Variants in POM121 observed in about 807,000 individuals in gnomAD.
POM121 encodes the protein POM121 transmembrane nucleoporin.
In POM121, 32 loss-of-function variants were observed where a neutral mutation model predicts 81.3. That is an observed-to-expected ratio of 0.39 (90% CI 0.30 to 0.53). The LOEUF (loss-of-function observed/expected upper bound fraction) is 0.53. POM121 is among the 20% of genes least tolerant of loss of function. The pLI, the probability that POM121 is intolerant of heterozygous loss-of-function variation, is 0.66. For missense variants in POM121, 1,138 were observed against 1,614.6 expected, an observed-to-expected ratio of 0.70 and a Z score of 5.06; for synonymous variants, 514 against 694.2, an observed-to-expected ratio of 0.74 and a Z score of 4.08.
At position 72,925,597 on chromosome 7, in the gene POM121, G is replaced by A. The variant is rs1554497104; in HGVS notation, c.476G>A (p.Arg159Gln). ...GCCGCTCCGGAGGGCCAGGACCTGC[G>A]GGATAGGCCTGGCCGCCGCCCACCT... ...PAAAPEGQDL[R>Q]DRPGRRPPAR... is the part of the protein sequence containing the mutation. Residue 159 changes from arginine (R) to glutamine (Q), a missense_variant, in exon 1 of 13, where the codon CGG becomes CAG. By Grantham distance (43) the Arg-to-Gln change is conservative (BLOSUM62 1). Around this residue, in one of 7 missense-constraint regions of POM121, gnomAD observed 646 missense variants for 633.5 expected, o/e 1.02. Transcript: ENST00000434423. 1 of 1,508,676 alleles carries A rather than the reference G, an allele frequency of 6.6e-7. No homozygotes were observed. Among genetic ancestry groups the A allele is most frequent in the Non-Finnish European group, 8.8e-7 (1 of 1,134,556 alleles). 93.5% of individuals were successfully genotyped at this position (1,508,676 alleles called of 1,614,324 possible).
chr7:72,931,610 GC>G (rs1292769304), intron 5 of POM121, among the ~76,000 whole-genome samples: 1 of 144,090 alleles, frequency 6.9e-6, no homozygotes, highest in Non-Finnish European at 1.5e-5. Flanking sequence ...TACTCTTGTC[GC>G]CCAGGCTGGA....
chr7:72,934,234 A>G (rs1225185160), intron 5 of POM121, among the ~76,000 whole-genome samples: 1 of 151,366 alleles, frequency 6.6e-6, no homozygotes, highest in East Asian at 1.9e-4. Context: ...ACAGGCACCC[A>G]CCACCATGCC....
upstream of POM121, among the ~76,000 whole-genome samples, chr7:72,921,282 C>T (rs1794799260): frequency 6.6e-6 from 1 of 152,210 alleles, no homozygotes; most frequent in Non-Finnish European, 1.5e-5. Context: ...AGTATCTGTG[C>T]ACCCCATGGT....
chr7:72,924,427 A>G (rs557150670), upstream of POM121: 1 of 152,332 alleles, frequency 6.6e-6, no homozygotes, highest in South Asian at 2.1e-4. Flanking sequence ...AGACTTTTTA[A>G]ACAGCTTTAT....
chr7:72,944,620 A>T (rs1173198304), intron 11 of POM121, among the ~76,000 whole-genome samples: 1 of 152,156 alleles, frequency 6.6e-6, no homozygotes, highest in Admixed American at 6.5e-5. Flanking sequence ...CCGGCCATGG[A>T]GACCCCAGCA....
chr7:72,898,963 CTTTTTCTTTTCTTTTCT>C (rs1480245823), intron 3 of POM121, among the ~76,000 whole-genome samples: 27 of 117,484 alleles, frequency 2.3e-4, no homozygotes, highest in African/African-American at 8.5e-4. Context: ...TTCTGTGTTT[CTTTTTCTTTTCTTTTCT>C]TTTTTTTTTT....
chr7:72,944,874 G>T (rs1234655954), intron 11 of POM121, among the ~76,000 whole-genome samples: 1 of 152,210 alleles, frequency 6.6e-6, no homozygotes, highest in Non-Finnish European at 1.5e-5. Flanking sequence ...GTCACCGTGA[G>T]TGGTGATGGG....
At chr7:72,898,801 A>G (rs1423173043) in intron 3 of POM121, among the ~76,000 whole-genome samples, 1 of 150,278 alleles carries the variant, frequency 6.7e-6, no homozygotes, top group Non-Finnish European at 1.5e-5. Flanking sequence ...GTCTCAAAAA[A>G]AAAAAAAAAA....
At chr7:72,905,713 AT>A (rs557326441) in intron 3 of POM121, among the ~76,000 whole-genome samples, 205 of 152,298 alleles carry the variant, frequency 1.3e-3, no homozygotes, top group African/African-American at 4.9e-3. Context: ...AAAAAGATTT[AT>A]TTTATGACCC....
At chr7:72,924,936 A>T, upstream of POM121, 3 of 1,077,884 alleles carry the variant, frequency 2.8e-6, no homozygotes, top group South Asian at 5.3e-5. Flanking sequence ...CACGCGGAAA[A>T]CCTCAAGAGT....
chr7:72,910,175 A>AT (rs1793665366), intron 3 of POM121, among the ~76,000 whole-genome samples: 1 of 152,170 alleles, frequency 6.6e-6, no homozygotes, highest in South Asian at 2.1e-4. Flanking sequence ...AATCTGACTG[A>AT]TTTTCAATGC....
upstream of POM121, among the ~76,000 whole-genome samples, chr7:72,924,132 G>T (rs1300063369): frequency 6.7e-6 from 1 of 150,186 alleles, no homozygotes; most frequent in Non-Finnish European, 1.5e-5. Flanking sequence ...ATTTTTATTA[G>T]AGACGGGGTT....
intron 3 of POM121, among the ~76,000 whole-genome samples, chr7:72,900,237 A>G (rs1792463480): frequency 6.6e-6 from 1 of 152,174 alleles, no homozygotes; most frequent in Non-Finnish European, 1.5e-5. Context: ...TCCCACTTAT[A>G]AAAAATGAGG....
chr7:72,948,094 C>T lies in POM121; in HGVS notation c.*1860C>T, dbSNP rs1253023022. 39 of 1,357,070 alleles carry T rather than the reference C, an allele frequency of 2.9e-5. No individual in the cohort carries two copies. Among genetic ancestry groups the T allele is most frequent in the Admixed American group, 9.3e-5 (3 of 32,100 alleles). The allele number at this position is 1,357,070 out of a possible 1,614,324, so 84.1% of individuals were successfully genotyped here. A position where few individuals can be genotyped will look rare whatever the true frequency, so the allele number is the denominator to read the frequency against. ...TACCTGAGCTAGTTTACCTCAGTTC[C>T]GCAGGCAGGACAGCCGGTCCGGGAA... is the stretch of plus-strand genomic sequence containing the variant. On this transcript the variant is annotated 3_prime_UTR_variant, in exon 13 of 13. Coordinates refer to ENST00000434423, the MANE Select transcript of POM121 (RefSeq NM_001387691.1).
rs1554496943 is a variant in POM121 at position 72,925,292 on chromosome 7, GCTGA to G, written c.173_176del (p.Leu58ProfsTer11). 3 of 1,534,504 alleles carry G rather than the reference GCTGA, an allele frequency of 2.0e-6. No individual in the cohort carries two copies. Among genetic ancestry groups the G allele is most frequent in the Non-Finnish European group, 2.6e-6 (3 of 1,146,502 alleles). ...TGCCGGCTGCGGCTGCACTGGCCTG[GCTGA>G]CCGTGGGGGCTACCGCGGCCTGGTG... On this transcript the variant is annotated frameshift_variant, in exon 1 of 13. Transcript: ENST00000434423. LOFTEE classifies it high-confidence loss of function.
In POM121 at chr7:72,926,367, G is replaced by A. The variant is rs1554497465; in HGVS notation, c.750G>A (p.Trp250Ter). Residue 250 changes from tryptophan to a stop codon, truncating the protein, a stop_gained, in exon 2 of 13, where the codon TGG becomes TGA. Coordinates refer to ENST00000434423, the MANE Select transcript of POM121 (RefSeq NM_001387691.1). LOFTEE classifies it high-confidence loss of function. ...SCLGVLPTVC[W>*]NGYHKKAVLS... ...TGGGGGTACTTCCCACCGTGTGCTG[G>A]AATGGTTATCACAAGAAGGCTGTGC... 6.2e-7 allele frequency: 1 copy of A among 1,613,832 alleles called. No homozygotes were observed. The highest frequency in any genetic ancestry group is 8.5e-7 in the Non-Finnish European group (1 of 1,179,862).
upstream of POM121, among the ~76,000 whole-genome samples, chr7:72,923,148 T>C (rs1379196847): frequency 3.4e-5 from 5 of 147,036 alleles, no homozygotes; most frequent in Middle Eastern, 3.2e-3. Flanking sequence ...TTAAGTCTTA[T>C]GTGAAATCGC....
intron 3 of POM121, 55 bp downstream of exon 3, chr7:72,927,018 G>A: frequency 1.2e-6 from 2 of 1,612,202 alleles, no homozygotes; most frequent in Non-Finnish European, 8.5e-7. Flanking sequence ...CCTATGGGAT[G>A]AGATGTAGAC....
At chr7:72,927,343 T>C (rs1296488224) in intron 3 of POM121, among the ~76,000 whole-genome samples, 3 of 152,192 alleles carry the variant, frequency 2.0e-5, no homozygotes, top group African/African-American at 7.2e-5. Flanking sequence ...AGTGTCTTAA[T>C]TGTGCTGAAG....
Sources: allele counts gnomAD v4.1 joint callset (sites outside exome capture counted in the v4.1 genomes callset), GRCh38; gene constraint gnomAD v4.1.1; regional missense constraint gnomAD v4.1.1; transcripts MANE v1.5; gene names NCBI Gene and HGNC (gene_info 2026-07-23, HGNC 2026-07-21).